SALL3: variants seen among roughly 807,000 people sequenced by gnomAD.
SALL3 encodes the protein sal-like protein 3.
In SALL3, 25 loss-of-function variants were observed where a neutral mutation model predicts 66.2. The ratio of observed to expected loss-of-function variants is 0.38; its 90% CI spans 0.28 to 0.53. The LOEUF is 0.53. SALL3 is among the 20% of genes least tolerant of loss of function. SALL3 has a pLI of 0.85. For synonymous variants in SALL3, 1,152 were observed against 899.1 expected, an observed-to-expected ratio of 1.28 and a Z score of -5.03; for missense variants, 2,194 against 1,916.5, an observed-to-expected ratio of 1.14 and a Z score of -2.70.
chr18:78,980,826 C>G (rs1289006716), intron 1 of SALL3, among the ~76,000 whole-genome samples: 2 of 152,136 alleles, frequency 1.3e-5, no homozygotes, highest in African/African-American at 2.4e-5. Context: ...CGGCCCCTCC[C>G]GGGCCCCCGC....
At position 78,997,165 on chromosome 18, in the gene SALL3, C is replaced by T; in HGVS notation, c.3746C>T (p.Ala1249Val). 2 of 1,613,994 alleles carry T rather than the reference C, an allele frequency of 1.2e-6. No individual in the cohort carries two copies. Among genetic ancestry groups the T allele is most frequent in the Non-Finnish European group, 1.7e-6 (2 of 1,180,026 alleles). Residue 1249 changes from alanine to valine, a missense_variant, in exon 3 of 3, where the codon GCC becomes GTC. Physicochemically the swap from Ala to Val is moderately conservative, Grantham distance 64 (BLOSUM62 0). Transcript: ENST00000537592. ...CTCCCCGTGAGTCTTGGGGGCAGCG[C>T]CCTCCCCCCTCTGGGCAGCATGGCC... ...PQLPVSLGGS[A>V]LPPLGSMASG...
chr18:78,997,254 T>C lies in SALL3; in HGVS notation c.3835T>C (p.Ser1279Pro). ...PPIVSLDKAS[S>P]ETAASRPFTR... ...CATCGTCAGCTTGGACAAAGCGAGC[T>C]CAGAAACAGCAGCCAGCCGCCCATT... The change falls in exon 3 of 3, where the codon TCA becomes CCA. Residue 1279 changes from serine (S) to proline (P), a missense_variant. By Grantham distance (74) the Ser-to-Pro change is moderately conservative. Coordinates refer to ENST00000537592, the MANE Select transcript of SALL3 (RefSeq NM_171999.4). 6.2e-7 allele frequency: 1 copy of C among 1,613,844 alleles called. No homozygotes were observed. Among genetic ancestry groups the C allele is most frequent in the South Asian group, 1.1e-5 (1 of 91,072 alleles).
intron 1 of SALL3, among the ~76,000 whole-genome samples, chr18:78,989,110 T>G (rs961634307): frequency 2.0e-5 from 3 of 152,186 alleles, no homozygotes; most frequent in Admixed American, 2.0e-4. Flanking sequence ...TCACTTATAA[T>G]TGCTTTAAAC....
rs1417150966 is a variant in SALL3 at position 78,993,679 on chromosome 18, G to GCGT, written c.1690_1691insTCG (p.Cys563_Ala564insVal). Reference sequence around the variant, plus strand: ...AGGCCCTCGCCCGCCTCCAGCGAGTGCGCCTCCTTGTCCCCAGGCCTCAAC... The same window carrying GCGT: ...AGGCCCTCGCCCGCCTCCAGCGAGTGCGTCGCCTCCTTGTCCCCAGGCCTCAAC... On this transcript the variant is annotated inframe_insertion, in exon 2 of 3. Coordinates refer to ENST00000537592, the MANE Select transcript of SALL3 (RefSeq NM_171999.4). 3.8e-6 allele frequency: 6 copies of GCGT among 1,585,878 alleles called. No homozygotes were observed. The highest frequency in any genetic ancestry group is 5.1e-6 in the Non-Finnish European group (6 of 1,173,382).
Position 78,993,199 on chromosome 18 carries a change from A to G in SALL3, c.1208A>G (p.Asn403Ser), listed in dbSNP as rs766890442. The stretch of plus-strand genomic sequence containing the variant: ...AAGCACCGCAAGGGCAAGCCGCCCA[A>G]TGTGTCGGTGTTCGAGCCCAAAGCC... Reference protein sequence around the residue: ...LMKHRKGKPPNVSVFEPKASA... With the variant: ...LMKHRKGKPPSVSVFEPKASA... Residue 403 changes from asparagine to serine, a missense_variant, in exon 2 of 3, where the codon AAT becomes AGT. Physicochemically the swap from Asn to Ser is conservative, Grantham distance 46. Transcript: ENST00000537592. 9.9e-6 allele frequency: 16 copies of G among 1,611,004 alleles called. No individual in the cohort carries two copies. Among genetic ancestry groups the G allele is most frequent in the South Asian group, 4.4e-5 (4 of 90,868 alleles).
At chr18:78,990,902 T>G (rs1381320150) in intron 1 of SALL3, among the ~76,000 whole-genome samples, 2 of 152,222 alleles carry the variant, frequency 1.3e-5, no homozygotes, top group Non-Finnish European at 2.9e-5. Flanking sequence ...TGTATGTTGG[T>G]TTCTCATTCC....
chr18:78,986,109 A>G (rs773246854), intron 1 of SALL3, among the ~76,000 whole-genome samples: 1 of 152,256 alleles, frequency 6.6e-6, no homozygotes, highest in Non-Finnish European at 1.5e-5. Flanking sequence ...TATTATTTGA[A>G]GCAGCGTCGA....
At position 78,993,572 on chromosome 18, in the gene SALL3, GCTGCAACTGCCGCCCACTGTC is replaced by G. The variant is rs1568295037; in HGVS notation, c.1583_1603del (p.Leu528_Val534del). 11 of 1,589,788 alleles carry G rather than the reference GCTGCAACTGCCGCCCACTGTC, an allele frequency of 6.9e-6. No homozygotes were observed. Among genetic ancestry groups the G allele is most frequent in the Non-Finnish European group, 8.5e-6 (10 of 1,172,852 alleles). On this transcript the variant is annotated inframe_deletion, in exon 2 of 3. Coordinates refer to ENST00000537592, the MANE Select transcript of SALL3 (RefSeq NM_171999.4). ...TGCCCACCGTGCCCACGTCCGTGGGGCTGCAACTGCCGCCCACTGTCCCTGGCGCGCACGGCTACGCCGACT... is the reference window on the plus strand; with the variant it reads ...TGCCCACCGTGCCCACGTCCGTGGGGCCTGGCGCGCACGGCTACGCCGACT...
At position 78,994,105 on chromosome 18, in the gene SALL3, G is replaced by A. The variant is rs1356862838; in HGVS notation, c.2114G>A (p.Arg705Gln). 3 of 1,612,922 alleles carry A rather than the reference G, an allele frequency of 1.9e-6. No individual in the cohort carries two copies. Among genetic ancestry groups the A allele is most frequent in the African/African-American group, 1.3e-5 (1 of 75,050 alleles). ...KMHYRTHTGE[R>Q]PFKCKICGRA... ...CACTACCGGACGCACACGGGGGAGC[G>A]GCCGTTCAAGTGCAAGATCTGCGGC... The change falls in exon 2 of 3, where the codon CGG becomes CAG. Residue 705 changes from arginine (R) to glutamine (Q), a missense_variant. Arg to Gln is a conservative substitution (Grantham distance 43, BLOSUM62 1). Transcript: ENST00000537592.
At chr18:78,989,211 A>G (rs1161883094) in intron 1 of SALL3, among the ~76,000 whole-genome samples, 2 of 152,204 alleles carry the variant, frequency 1.3e-5, no homozygotes, top group Non-Finnish European at 2.9e-5. Context: ...AAACTTACCA[A>G]TGGGAAAAGT....
Position 78,992,127 on chromosome 18 carries a change from G to C in SALL3, c.136G>C (p.Gly46Arg). The change falls in exon 2 of 3, where the codon GGG (glycine) becomes CGG (arginine). Residue 46 changes from glycine to arginine, a missense_variant. Transcript: ENST00000537592. ...DADSGPESRS[G>R]GEETSVCEKC... The stretch of plus-strand genomic sequence containing the variant: ...AGACAGCGGGCCCGAGAGCCGCAGC[G>C]GGGGCGAGGAGACCAGCGTGTGCGA... 1.9e-6 allele frequency: 3 copies of C among 1,600,224 alleles called. No individual in the cohort carries two copies. The highest frequency in any genetic ancestry group is 1.3e-5 in the African/African-American group (1 of 74,492).
At chr18:78,984,269 C>G (rs1914165637) in intron 1 of SALL3, among the ~76,000 whole-genome samples, 1 of 152,184 alleles carries the variant, frequency 6.6e-6, no homozygotes, top group South Asian at 2.1e-4. Context: ...GGTTTCTATT[C>G]TGTGTGCTGA....
At position 78,993,174 on chromosome 18, in the gene SALL3, A is replaced by G. The variant is rs1914532813; in HGVS notation, c.1183A>G (p.Lys395Glu). 1 of 1,609,422 alleles carries G rather than the reference A, an allele frequency of 6.2e-7. No individual in the cohort carries two copies. The highest frequency in any genetic ancestry group is 1.3e-5 in the African/African-American group (1 of 74,922). ...NALDPLSALM[K>E]HRKGKPPNVS... ...TCTGGACCCGCTGTCCGCGCTCATG[A>G]AGCACCGCAAGGGCAAGCCGCCCAA... The change falls in exon 2 of 3, where the codon AAG becomes GAG. Residue 395 changes from lysine (K) to glutamate (E), a missense_variant. By Grantham distance (56) the Lys-to-Glu change is moderately conservative. Coordinates refer to ENST00000537592, the MANE Select transcript of SALL3 (RefSeq NM_171999.4).
Position 78,993,884 on chromosome 18 carries a change from C to A in SALL3, c.1893C>A (p.Leu631=). 6 of 1,575,292 alleles carry A rather than the reference C, an allele frequency of 3.8e-6. No homozygotes were observed. The highest frequency in any genetic ancestry group is 5.2e-6 in the Non-Finnish European group (6 of 1,161,992). ...PTSVDGAPTS[L]GSPGLPAVSE... ...CGGTGGACGGCGCACCCACGAGCCT[C>A]GGCAGCCCCGGGCTGCCCGCCGTCT... Residue 631 remains leucine (L), a synonymous_variant, in exon 2 of 3, where the codon CTC becomes CTA. Transcript: ENST00000537592.
rs768914707 is a variant in SALL3 at position 78,993,081 on chromosome 18, C to T, written c.1090C>T (p.Pro364Ser). 17 of 1,598,256 alleles carry T rather than the reference C, an allele frequency of 1.1e-5. No individual in the cohort carries two copies. The South Asian group carries it at 1.3e-4, about 13-fold the overall frequency. Residue 364 changes from proline (P) to serine (S), a missense_variant, in exon 2 of 3, where the codon CCT becomes TCT. Coordinates refer to ENST00000537592, the MANE Select transcript of SALL3 (RefSeq NM_171999.4). ...GCCCGGCCTGCCAAGTCCGCTTCTA[C>T]CTCAGACTTCCGCCAGCGGCGTCAT... The part of the protein sequence containing the change: ...AAPGLPSPLL[P>S]QTSASGVIFP...
chr18:78,992,605 T>C lies in SALL3; in HGVS notation c.614T>C (p.Ile205Thr). The change falls in exon 2 of 3, where the codon ATC becomes ACC. Residue 205 changes from isoleucine to threonine, a missense_variant. By Grantham distance (89) the Ile-to-Thr change is moderately conservative. Transcript: ENST00000537592. ...GGVAAAAVPL[I>T]LEQLMALQQQ... ...GTGGCAGCTGCAGCCGTGCCCCTGA[T>C]CCTGGAACAGCTCATGGCCCTGCAG... is the stretch of plus-strand genomic sequence containing the variant. 6.5e-7 allele frequency: 1 copy of C among 1,547,300 alleles called. No individual in the cohort carries two copies. The highest frequency in any genetic ancestry group is 8.7e-7 in the Non-Finnish European group (1 of 1,154,642).
chr18:78,987,323 T>C (rs1226342953), intron 1 of SALL3, among the ~76,000 whole-genome samples: 1 of 152,074 alleles, frequency 6.6e-6, no homozygotes, highest in African/African-American at 2.4e-5. Context: ...ACACCAAGAG[T>C]CACTCCTAAG....
chr18:78,981,110 G>A (rs576795631), intron 1 of SALL3, among the ~76,000 whole-genome samples: 35 of 152,348 alleles, frequency 2.3e-4, no homozygotes, highest in African/African-American at 8.4e-4. Context: ...CATTTCGCTG[G>A]TAGGAGCGTC....
chr18:78,997,113 G>T lies in SALL3; in HGVS notation c.3694G>T (p.Val1232Phe), dbSNP rs760952537. Reference sequence around the variant, plus strand: ...CGCCATGAAGAACAACGAGATCTCCGTCATCCAGAACGGCGGCATCCCCCA... The same window carrying T: ...CGCCATGAAGAACAACGAGATCTCCTTCATCCAGAACGGCGGCATCCCCCA... The part of the protein sequence containing the change: ...GLAMKNNEIS[V>F]IQNGGIPQLP... Residue 1232 changes from valine (V) to phenylalanine (F), a missense_variant, in exon 3 of 3, where the codon GTC becomes TTC. Physicochemically the swap from Val to Phe is conservative, Grantham distance 50. Coordinates refer to ENST00000537592, the MANE Select transcript of SALL3 (RefSeq NM_171999.4). 1.2e-6 allele frequency: 2 copies of T among 1,614,066 alleles called. No individual in the cohort carries two copies. Among genetic ancestry groups the T allele is most frequent in the Non-Finnish European group, 1.7e-6 (2 of 1,180,020 alleles).
Sources: gnomAD v4.1 joint callset for allele counts (sites outside exome capture counted in the v4.1 genomes callset) on GRCh38, gnomAD v4.1.1 for gene constraint, MANE v1.5 for transcripts, NCBI Gene and HGNC (gene_info 2026-07-23, HGNC 2026-07-21) for gene names.